The following CTPS2 variants were observed in gnomAD, a reference collection of about 807,000 sequenced individuals.
The protein encoded by CTPS2 is CTP synthase II.
In CTPS2, 19 loss-of-function variants were observed where a neutral mutation model predicts 46.8. That is an observed-to-expected ratio of 0.41 (90% CI 0.28 to 0.60). The LOEUF (loss-of-function observed/expected upper bound fraction) is 0.60, where lower values mean the gene tolerates loss of function less well. Ranked by LOEUF, CTPS2 falls within the 20% of genes least tolerant of loss-of-function variation. The pLI, the probability that CTPS2 is intolerant of heterozygous loss-of-function variation, is 0.35. For synonymous variants in CTPS2, 151 were observed against 165.2 expected, an observed-to-expected ratio of 0.91 and a Z score of 0.66; for missense variants, 286 against 447.6, an observed-to-expected ratio of 0.64 and a Z score of 3.26.
chrX:16,707,715 G>A (rs1367236316), intron 1 of CTPS2, among the ~76,000 whole-genome samples: 1 of 112,296 alleles, frequency 8.9e-6, no homozygotes, highest in Non-Finnish European at 1.9e-5. Flanking sequence ...GCTCATGCCT[G>A]TAATCTCAGC....
chrX:16,617,354 G>A (rs1930588094), intron 15 of CTPS2, 108 bp from the exon 16 acceptor site: 1 of 458,925 alleles, frequency 2.2e-6, no homozygotes, highest in African/African-American at 2.4e-5. Flanking sequence ...CCTCTAACTA[G>A]TAGTTAATGT....
chrX:16,661,822 G>A (rs1018147128), intron 13 of CTPS2, among the ~76,000 whole-genome samples: 1 of 111,081 alleles, frequency 9.0e-6, no homozygotes, highest in South Asian at 3.8e-4. Flanking sequence ...CACCATCCAA[G>A]TGTGCATGTG....
At chrX:16,623,299 T>C (rs1930935569) in intron 14 of CTPS2, among the ~76,000 whole-genome samples, 1 of 111,614 alleles carries the variant, frequency 9.0e-6, no homozygotes, top group African/African-American at 3.3e-5. Flanking sequence ...TTTTTAAATG[T>C]ACAATTAAAT....
At chrX:16,650,432 A>G (rs1932548703) in intron 13 of CTPS2, among the ~76,000 whole-genome samples, 1 of 110,777 alleles carries the variant, frequency 9.0e-6, no homozygotes, top group African/African-American at 3.3e-5. Flanking sequence ...TTAATTACTA[A>G]TAAAAATGTT....
chrX:16,623,618 T>C (rs1482790593), intron 14 of CTPS2, among the ~76,000 whole-genome samples: 1 of 110,455 alleles, frequency 9.1e-6, no homozygotes, highest in East Asian at 2.8e-4. Context: ...TGAATAGTAC[T>C]CCATTGTGTA....
intron 17 of CTPS2, among the ~76,000 whole-genome samples, chrX:16,594,900 T>C (rs1486532876): frequency 8.9e-6 from 1 of 112,785 alleles, no homozygotes; most frequent in Non-Finnish European, 1.9e-5. Context: ...TTTTAGGACG[T>C]TCATCTGCCA....
intron 1 of CTPS2, among the ~76,000 whole-genome samples, chrX:16,704,634 C>T (rs1397136999): frequency 2.7e-5 from 3 of 111,302 alleles, no homozygotes; most frequent in South Asian, 3.8e-4. Flanking sequence ...ACAGGAAGAG[C>T]GAACCCTGAT....
intron 2 of CTPS2, among the ~76,000 whole-genome samples, chrX:16,701,704 C>G (rs1308812673): frequency 9.1e-6 from 1 of 109,483 alleles, no homozygotes; most frequent in Non-Finnish European, 1.9e-5. Flanking sequence ...GGGTTCACGC[C>G]ATTCTCCCAC....
rs371602188 is a variant in CTPS2, at chrX:16,685,784, A to G, written c.873-2558T>C. Reference sequence around the variant, plus strand: ...CGGGAGGCTGAGGCAGGAGAATGGCATGAACCCAGGAGGCAGAGCTTGCAG... The same window carrying G: ...CGGGAGGCTGAGGCAGGAGAATGGCGTGAACCCAGGAGGCAGAGCTTGCAG... On this transcript the variant is annotated intron_variant, in intron 8 of 18. Coordinates refer to ENST00000359276, the MANE Select transcript of CTPS2 (RefSeq NM_175859.3). Among the ~76,000 whole-genome samples, 11 of 103,333 alleles carry G rather than the reference A, an allele frequency of 1.1e-4. No individual in the cohort carries two copies. The East Asian group carries it at 1.3e-3, about 12-fold the overall frequency. The allele number at this position is 103,333 out of a possible 115,157, so 89.7% of individuals were successfully genotyped here. A position where few individuals can be genotyped will look rare whatever the true frequency, so the allele number is the denominator to read the frequency against.
chrX:16,702,083 C>G (rs1924623096), intron 2 of CTPS2, among the ~76,000 whole-genome samples: 1 of 110,922 alleles, frequency 9.0e-6, no homozygotes, highest in Non-Finnish European at 1.9e-5. Flanking sequence ...GAGACAGAGT[C>G]TCGCTCTGTC....
Position 16,589,515 on chromosome X carries a change from C to T in CTPS2, c.*302G>A, listed in dbSNP as rs1240762800. The T allele has an allele frequency of 2.7e-5, 3 of 112,143 alleles. No individual in the cohort carries two copies. Among genetic ancestry groups the T allele is most frequent in the Admixed American group, 1.9e-4 (2 of 10,543 alleles). The allele number at this position is 112,143 out of a possible 1,213,427, so 9.2% of individuals were successfully genotyped here. A position where few individuals can be genotyped will look rare whatever the true frequency, so the allele number is the denominator to read the frequency against. On this transcript the variant is annotated 3_prime_UTR_variant, in exon 19 of 19. Transcript: ENST00000359276. ...TGCTCGTCATCCTAACATCCTGATC[C>T]GCTGGACAAAACATGAACACACTTT...
At chrX:16,651,916 G>A (rs1263473035) in intron 13 of CTPS2, among the ~76,000 whole-genome samples, 1 of 110,606 alleles carries the variant, frequency 9.0e-6, no homozygotes, top group Admixed American at 9.7e-5. Context: ...GAGGGCCATG[G>A]CGACCCATAC....
intron 13 of CTPS2, among the ~76,000 whole-genome samples, chrX:16,667,130 C>A (rs780898125): frequency 1.0e-5 from 1 of 97,149 alleles, no homozygotes; most frequent in African/African-American, 3.8e-5. Context: ...AATAGACCCC[C>A]CCCCGCCTTT....
intron 14 of CTPS2, among the ~76,000 whole-genome samples, chrX:16,629,439 T>C (rs372670685): frequency 9.0e-6 from 1 of 111,319 alleles, no homozygotes; most frequent in African/African-American, 3.3e-5. Flanking sequence ...CTCAGCACAA[T>C]GACAAATTAC....
intron 2 of CTPS2, among the ~76,000 whole-genome samples, chrX:16,699,979 C>T (rs896190014): frequency 1.9e-5 from 2 of 107,666 alleles, no homozygotes; most frequent in East Asian, 5.8e-4. Context: ...GTCAACCAGG[C>T]TGGAGTGCAG....
At chrX:16,644,748 T>C (rs1225432417) in intron 13 of CTPS2, among the ~76,000 whole-genome samples, 1 of 112,514 alleles carries the variant, frequency 8.9e-6, no homozygotes, top group African/African-American at 3.2e-5. Flanking sequence ...TATATGTGTT[T>C]TAAGCCACTG....
At chrX:16,621,968 G>A (rs760069524) in intron 14 of CTPS2, among the ~76,000 whole-genome samples, 2 of 111,398 alleles carry the variant, frequency 1.8e-5, no homozygotes, top group African/African-American at 6.5e-5. Context: ...GGGGAATAGT[G>A]GGGGCAGGGA....
At chrX:16,615,882 G>A (rs942668518) in intron 16 of CTPS2, among the ~76,000 whole-genome samples, 3 of 112,131 alleles carry the variant, frequency 2.7e-5, no homozygotes, top group Non-Finnish European at 5.6e-5. Flanking sequence ...TGACCCTTAT[G>A]ATGGGTAAGA....
chrX:16,644,296 G>A (rs1378623190), intron 13 of CTPS2, among the ~76,000 whole-genome samples: 1 of 110,537 alleles, frequency 9.0e-6, no homozygotes, highest in African/African-American at 3.3e-5. Context: ...CACCATGCCC[G>A]GCTAATTTTT....
Sources: gnomAD v4.1 joint callset for allele counts (sites outside exome capture counted in the v4.1 genomes callset) on GRCh38, gnomAD v4.1.1 for gene constraint, MANE v1.5 for transcripts, NCBI Gene and HGNC (gene_info 2026-07-23, HGNC 2026-07-21) for gene names.